Variants in MGAT4A observed in about 807,000 individuals in gnomAD.
The protein encoded by MGAT4A is alpha-1,3-mannosyl-glycoprotein 4-beta-N-acetylglucosaminyltransferase A, also known as N-acetylglucosaminyltransferase IVa.
MGAT4A carries 33 observed loss-of-function variants against 74.1 expected under a neutral mutation model. The observed-to-expected ratio is 0.45, with a 90% CI of 0.34 to 0.60. The LOEUF (loss-of-function observed/expected upper bound fraction) is 0.60, where lower values mean the gene tolerates loss of function less well. Among genes scored for constraint, MGAT4A ranks in the 20% least tolerant of loss-of-function variants. The pLI is 0.02. For synonymous variants in MGAT4A, 198 were observed against 210.4 expected (o/e 0.94, Z 0.51); for missense variants, 479 against 628.3 (o/e 0.76, Z 2.54).
chr2:98,651,079 G>A (rs1332600561), intron 8 of MGAT4A, among the ~76,000 whole-genome samples: 1 of 151,704 alleles, frequency 6.6e-6, no homozygotes, highest in Admixed American at 6.6e-5. Flanking sequence ...AAAAAAGAAA[G>A]AAAGAAAGAA....
intron 2 of MGAT4A, among the ~76,000 whole-genome samples, chr2:98,681,164 G>C (rs1161115312): frequency 6.6e-6 from 1 of 152,070 alleles, no homozygotes; most frequent in East Asian, 1.9e-4. Flanking sequence ...TCTATTTTTA[G>C]TAGAGATGGT....
chr2:98,621,506 CT>C lies in MGAT4A; in HGVS notation c.*4059del. The C allele has an allele frequency of 6.4e-7, 1 of 1,551,626 alleles. No homozygotes were observed. Among genetic ancestry groups the C allele is most frequent in the Non-Finnish European group, 8.7e-7 (1 of 1,146,966 alleles). ...GCCACCAGCCCGAGAAAACTCTCTGCTTTTAAAGGAGTCACAAGATTTGATT... is the reference window on the plus strand; with the variant it reads ...GCCACCAGCCCGAGAAAACTCTCTGCTTTAAAGGAGTCACAAGATTTGATT... On this transcript the variant is annotated 3_prime_UTR_variant, in exon 16 of 16. Coordinates refer to ENST00000393487, the MANE Select transcript of MGAT4A (RefSeq NM_012214.3).
chr2:98,654,389 A>T (rs1320815008), intron 8 of MGAT4A, among the ~76,000 whole-genome samples: 1 of 152,154 alleles, frequency 6.6e-6, no homozygotes, highest in Middle Eastern at 3.2e-3. Flanking sequence ...TTTGCAGATG[A>T]AATAATCTTA....
At chr2:98,630,637 A>T (rs1267161957) in intron 14 of MGAT4A, among the ~76,000 whole-genome samples, 2 of 152,080 alleles carry the variant, frequency 1.3e-5, no homozygotes, top group African/African-American at 4.8e-5. Context: ...ATTTTGTTCC[A>T]TGAAAAAAAG....
chr2:98,651,383 A>T (rs529715056), intron 8 of MGAT4A, among the ~76,000 whole-genome samples: 14 of 152,330 alleles, frequency 9.2e-5, no homozygotes, highest in African/African-American at 3.1e-4. Context: ...TATAAATCTG[A>T]GTTAATGTAT....
At chr2:98,650,872 C>T (rs1051421260) in intron 8 of MGAT4A, among the ~76,000 whole-genome samples, 2 of 152,058 alleles carry the variant, frequency 1.3e-5, no homozygotes, top group Non-Finnish European at 2.9e-5. Context: ...GGCGTGAACC[C>T]GGAAGGTGGA....
In MGAT4A at chr2:98,621,050, G is replaced by A. The variant is rs558591611; in HGVS notation, c.*4516C>T. 9 of 165,642 alleles carry A rather than the reference G, an allele frequency of 5.4e-5. No homozygotes were observed. The highest frequency in any genetic ancestry group is 3.9e-4 in the South Asian group (2 of 5,122). 10.3% of individuals were successfully genotyped at this position (165,642 alleles called of 1,614,324 possible). Reference sequence around the variant, plus strand: ...CAAGAAATATCCAGCATACTACAGGGAATCAAGTATGAAGATTTCCTCTTT... The same window carrying A: ...CAAGAAATATCCAGCATACTACAGGAAATCAAGTATGAAGATTTCCTCTTT... On this transcript the variant is annotated 3_prime_UTR_variant, in exon 16 of 16. Transcript: ENST00000393487.
At chr2:98,699,013 C>T (rs1702314245) in intron 2 of MGAT4A, among the ~76,000 whole-genome samples, 1 of 152,118 alleles carries the variant, frequency 6.6e-6, no homozygotes, top group African/African-American at 2.4e-5. Flanking sequence ...TAAGACTATC[C>T]CCAGGTTCAG....
Position 98,620,637 on chromosome 2 carries a change from A to C in MGAT4A, c.*4929T>G, listed in dbSNP as rs1701048807. 6.6e-6 allele frequency: 1 copy of C among 152,228 alleles called. No individual in the cohort carries two copies. Among genetic ancestry groups the C allele is most frequent in the Admixed American group, 6.5e-5 (1 of 15,292 alleles). 9.4% of individuals were successfully genotyped at this position (152,228 alleles called of 1,614,324 possible). The stretch of plus-strand genomic sequence containing the variant: ...AGGATTTGATCTGTGCTAGATGATA[A>C]AAAGAGAAACTAAGTTTTGGTTAAA... On this transcript the variant is annotated 3_prime_UTR_variant, in exon 16 of 16. Transcript: ENST00000393487.
At chr2:98,711,770 T>C (rs1702521792) in intron 2 of MGAT4A, among the ~76,000 whole-genome samples, 1 of 152,170 alleles carries the variant, frequency 6.6e-6, no homozygotes, top group African/African-American at 2.4e-5. Context: ...CCTCAGTAGC[T>C]GGGACCACAG....
chr2:98,712,014 G>C (rs1212709555), intron 2 of MGAT4A, among the ~76,000 whole-genome samples: 1 of 152,014 alleles, frequency 6.6e-6, no homozygotes, highest in Non-Finnish European at 1.5e-5. Flanking sequence ...CAGATCTCTC[G>C]TCACCTTTAC....
At chr2:98,682,422 CAAAAAAA>C (rs1013377462) in intron 2 of MGAT4A, among the ~76,000 whole-genome samples, 2 of 36,456 alleles carry the variant, frequency 5.5e-5, no homozygotes, top group African/African-American at 1.1e-4. Context: ...AATTCCATCT[CAAAAAAA>C]AAAAAAAAAA....
intron 13 of MGAT4A, 103 bp downstream of exon 13, chr2:98,636,414 C>A: frequency 1.1e-6 from 1 of 884,446 alleles, no homozygotes; most frequent in East Asian, 2.4e-5. Context: ...TTGAGTCCTG[C>A]AAATCATGAG....
rs998157612 is a variant in MGAT4A at position 98,719,127 on chromosome 2, T to C, written c.94+7112A>G. Reference sequence around the variant, plus strand: ...TACGGCCTAGAGTGTGGGAGCTAGCTTGCAGGAGAGAACCTGCAAAAGAGG... The same window carrying C: ...TACGGCCTAGAGTGTGGGAGCTAGCCTGCAGGAGAGAACCTGCAAAAGAGG... On this transcript the variant is annotated intron_variant, in intron 2 of 15. Transcript: ENST00000393487. Among the ~76,000 whole-genome samples, 8 of 152,298 alleles carry C rather than the reference T, an allele frequency of 5.3e-5. No homozygotes were observed. In the East Asian group the frequency reaches 1.2e-3, roughly 22 times the overall value.
intron 2 of MGAT4A, 141 bp from the exon 3 acceptor site, chr2:98,678,612 G>A: frequency 6.7e-6 from 3 of 444,822 alleles, no homozygotes; most frequent in Non-Finnish European, 1.1e-5. Context: ...GAAAAAAAAA[G>A]GGTTCTGACT....
In MGAT4A at chr2:98,726,273, A is replaced by C. The variant is rs1445979791; in HGVS notation, c.60T>G (p.Thr20=). 1 of 1,614,040 alleles carries C rather than the reference A, an allele frequency of 6.2e-7. No individual in the cohort carries two copies. The highest frequency in any genetic ancestry group is 8.5e-7 in the Non-Finnish European group (1 of 1,179,930). Residue 20 remains threonine, a synonymous_variant, in exon 2 of 16, where the codon ACT becomes ACG. Coordinates refer to ENST00000393487, the MANE Select transcript of MGAT4A (RefSeq NM_012214.3). The part of the protein sequence containing the change: ...TALAFITSFL[T]LSWYTTWQNG... Reference sequence around the variant, plus strand: ...TTTGCCATGTAGTATACCAAGACAAAGTAAGGAAGGAAGTGATAAATGCTA... The same window carrying C: ...TTTGCCATGTAGTATACCAAGACAACGTAAGGAAGGAAGTGATAAATGCTA...
chr2:98,706,322 G>C (rs1189409706), intron 2 of MGAT4A, among the ~76,000 whole-genome samples: 2 of 152,092 alleles, frequency 1.3e-5, no homozygotes, highest in Admixed American at 6.5e-5. Context: ...TGGTAGAGGA[G>C]GGGCCACCGA....
At chr2:98,685,731 T>C (rs1471118872) in intron 2 of MGAT4A, among the ~76,000 whole-genome samples, 1 of 152,192 alleles carries the variant, frequency 6.6e-6, no homozygotes, top group Non-Finnish European at 1.5e-5. Context: ...TTATCATGCA[T>C]AAGAACCACC....
chr2:98,628,435 T>G (rs1701177979), intron 14 of MGAT4A, among the ~76,000 whole-genome samples: 1 of 152,250 alleles, frequency 6.6e-6, no homozygotes, highest in South Asian at 2.1e-4. Flanking sequence ...TTAACCATGA[T>G]TTAATTAACT....
Sources: allele counts gnomAD v4.1 joint callset (sites outside exome capture counted in the v4.1 genomes callset), GRCh38; gene constraint gnomAD v4.1.1; transcripts MANE v1.5; gene names NCBI Gene and HGNC (gene_info 2026-07-23, HGNC 2026-07-21).